Variants in PEBP4 observed in about 807,000 individuals in gnomAD.
PEBP4 encodes phosphatidylethanolamine-binding protein 4.
PEBP4 carries 22 observed loss-of-function variants against 23.9 expected under a neutral mutation model. The ratio of observed to expected loss-of-function variants is 0.92; its 90% CI spans 0.66 to 1.31. PEBP4 has a LOEUF of 1.31. PEBP4 is among the 40% of genes most tolerant of loss of function. The pLI, the probability that PEBP4 is intolerant of heterozygous loss-of-function variation, is 0.00. For synonymous variants in PEBP4, 112 were observed against 99.3 expected, an observed-to-expected ratio of 1.13 and a Z score of -0.76; for missense variants, 324 against 281.7, an observed-to-expected ratio of 1.15 and a Z score of -1.07.
At chr8:22,809,846 G>A (rs1806581391) in intron 4 of PEBP4, among the ~76,000 whole-genome samples, 1 of 152,218 alleles carries the variant, frequency 6.6e-6, no homozygotes, top group African/African-American at 2.4e-5. Flanking sequence ...GGCCAGGAGA[G>A]ACAATATGCC....
intron 3 of PEBP4, among the ~76,000 whole-genome samples, chr8:22,899,227 T>A (rs2128776420): frequency 6.6e-6 from 1 of 152,340 alleles, no homozygotes; most frequent in Non-Finnish European, 1.5e-5. Flanking sequence ...ATCTGCCCTA[T>A]GCAGGCTGCA....
At chr8:22,875,303 TTC>T (rs1808097358) in intron 3 of PEBP4, among the ~76,000 whole-genome samples, 1 of 152,192 alleles carries the variant, frequency 6.6e-6, no homozygotes, top group Non-Finnish European at 1.5e-5. Context: ...CCCTTTTATT[TTC>T]TTTTTCCCCT....
intron 3 of PEBP4, among the ~76,000 whole-genome samples, chr8:22,851,004 T>C (rs1280041163): frequency 6.6e-6 from 1 of 152,192 alleles, no homozygotes; most frequent in African/African-American, 2.4e-5. Flanking sequence ...GGAAACAGCA[T>C]TTGGGCAAAC....
chr8:22,806,579 C>T (rs887802620), intron 4 of PEBP4, among the ~76,000 whole-genome samples: 1 of 148,066 alleles, frequency 6.8e-6, no homozygotes, highest in African/African-American at 2.5e-5. Context: ...CATGCCACTG[C>T]ACTCCAGCCT....
At chr8:22,735,121 C>A (rs7008014) in intron 4 of PEBP4, among the ~76,000 whole-genome samples, 1,638 of 152,242 alleles carry the variant, frequency 0.011, 23 homozygotes, top group African/African-American at 0.035. Context: ...GAATGAGAGG[C>A]CCTGTGTTGG....
intron 3 of PEBP4, among the ~76,000 whole-genome samples, chr8:22,863,606 A>T (rs1807824848): frequency 6.6e-6 from 1 of 152,140 alleles, no homozygotes; most frequent in South Asian, 2.1e-4. Context: ...CCAGGAGAGT[A>T]TTCCCCACCC....
intron 3 of PEBP4, among the ~76,000 whole-genome samples, chr8:22,862,460 C>A (rs1299397238): frequency 1.3e-5 from 2 of 152,022 alleles, no homozygotes; most frequent in Non-Finnish European, 2.9e-5. Context: ...GGGAAGGGAC[C>A]AAGGGAAGAC....
In PEBP4 at chr8:22,859,657, C is replaced by T. The variant is rs536383641; in HGVS notation, c.259-41922G>A. Among the ~76,000 whole-genome samples the T allele has an allele frequency of 7.2e-5, 11 of 152,260 alleles. No homozygotes were observed. The East Asian group carries it at 2.1e-3, about 29-fold the overall frequency. ...TTCAGCAATGTATGAAATCAAAGCCCACATTTTAAACTCCACACTCCCTGA... is the reference window on the plus strand; with the variant it reads ...TTCAGCAATGTATGAAATCAAAGCCTACATTTTAAACTCCACACTCCCTGA... On this transcript the variant is annotated intron_variant, in intron 3 of 6. Coordinates refer to ENST00000256404, the MANE Select transcript of PEBP4 (RefSeq NM_144962.3).
At chr8:22,918,603 A>G (rs1225087967) in intron 3 of PEBP4, among the ~76,000 whole-genome samples, 1 of 152,224 alleles carries the variant, frequency 6.6e-6, no homozygotes, top group Non-Finnish European at 1.5e-5. Flanking sequence ...CATCATCAGC[A>G]CGCGGAAGGG....
intron 4 of PEBP4, among the ~76,000 whole-genome samples, chr8:22,767,844 ATTCTC>A (rs1805640170): frequency 6.6e-6 from 1 of 152,074 alleles, no homozygotes; most frequent in African/African-American, 2.4e-5. Context: ...GTTTCAAGTG[ATTCTC>A]CCGCCTCAGC....
chr8:22,879,347 C>T (rs902052927), intron 3 of PEBP4: 3 of 152,206 alleles, frequency 2.0e-5, no homozygotes, highest in African/African-American at 7.2e-5. Context: ...ACTTTCAAGC[C>T]TCACAATGGG....
chr8:22,898,747 A>T (rs976259944), intron 3 of PEBP4, among the ~76,000 whole-genome samples: 6 of 152,054 alleles, frequency 3.9e-5, no homozygotes, highest in Non-Finnish European at 5.9e-5. Flanking sequence ...CATAGAGGAG[A>T]TACTCCTTGT....
At chr8:22,927,464 T>C in intron 2 of PEBP4, 120 bp downstream of exon 2, 1 of 1,267,048 alleles carries the variant, frequency 7.9e-7, no homozygotes. Context: ...ACACGTGTTC[T>C]GCCTTCCCAT....
intron 6 of PEBP4, among the ~76,000 whole-genome samples, chr8:22,718,671 G>A (rs1161285472): frequency 1.3e-5 from 2 of 152,098 alleles, no homozygotes; most frequent in Non-Finnish European, 2.9e-5. Flanking sequence ...AGCCCACACA[G>A]TGATCAGGGG....
intron 3 of PEBP4, among the ~76,000 whole-genome samples, chr8:22,870,245 A>G (rs1807981837): frequency 6.6e-6 from 1 of 152,246 alleles, no homozygotes; most frequent in African/African-American, 2.4e-5. Context: ...ATGAAATATT[A>G]TTCAGCACTG....
At chr8:22,713,561 GA>G (rs748696374) in intron 6 of PEBP4, 25 bp from the exon 7 acceptor site, 1 of 1,614,026 alleles carries the variant, frequency 6.2e-7, no homozygotes, top group Admixed American at 1.7e-5. Flanking sequence ...AGACCACAGG[GA>G]GGCAGTGAGA....
At chr8:22,910,821 G>A (rs1484708388) in intron 3 of PEBP4, among the ~76,000 whole-genome samples, 1 of 152,218 alleles carries the variant, frequency 6.6e-6, no homozygotes, top group East Asian at 1.9e-4. Flanking sequence ...ATGAATAGGT[G>A]AAGCACGGAG....
intron 6 of PEBP4, among the ~76,000 whole-genome samples, chr8:22,716,642 A>C (rs560948521): frequency 6.6e-6 from 1 of 152,344 alleles, no homozygotes; most frequent in Admixed American, 6.5e-5. Flanking sequence ...ACTGTTTGGG[A>C]GTGGTTTGTC....
intron 3 of PEBP4, among the ~76,000 whole-genome samples, chr8:22,916,660 A>T (rs548894115): frequency 3.7e-4 from 57 of 152,224 alleles, no homozygotes; most frequent in African/African-American, 1.3e-3. Flanking sequence ...TCATTCATTC[A>T]TTCATTCATG....
Sources: gnomAD v4.1 joint callset for allele counts (sites outside exome capture counted in the v4.1 genomes callset) on GRCh38, gnomAD v4.1.1 for gene constraint, MANE v1.5 for transcripts, NCBI Gene and HGNC (gene_info 2026-07-23, HGNC 2026-07-21) for gene names.